The following RUNX1T1 variants were observed in gnomAD, a reference collection of about 807,000 sequenced individuals.
RUNX1T1 encodes protein CBFA2T1.
Under a neutral mutation model 62.8 loss-of-function variants are expected in RUNX1T1, and 4 were observed. The observed-to-expected ratio is 0.06, with a 90% CI of 0.03 to 0.15. The LOEUF (loss-of-function observed/expected upper bound fraction) is 0.15, where lower values mean the gene tolerates loss of function less well. Ranked by LOEUF, RUNX1T1 falls within the 10% of genes least tolerant of loss-of-function variation. The pLI is 1.00. For missense variants in RUNX1T1, 508 were observed against 754.3 expected (o/e 0.67, Z 3.82); for synonymous variants, 291 against 286.0 (o/e 1.02, Z -0.18).
intron 5 of RUNX1T1, among the ~76,000 whole-genome samples, chr8:92,001,760 G>C (rs1819802706): frequency 6.6e-6 from 1 of 152,166 alleles, no homozygotes; most frequent in Admixed American, 6.5e-5. Context: ...ACACAATACT[G>C]AAGGCAAATT....
intron 1 of RUNX1T1, among the ~76,000 whole-genome samples, chr8:92,028,312 T>A (rs1825643287): frequency 6.6e-6 from 1 of 151,842 alleles, no homozygotes; most frequent in Non-Finnish European, 1.5e-5. Context: ...AAAATAATAC[T>A]CATTTCATGA....
At chr8:92,017,064 T>G (rs1226081249) in intron 2 of RUNX1T1, among the ~76,000 whole-genome samples, 162 bp downstream of exon 3, 1 of 152,270 alleles carries the variant, frequency 6.6e-6, no homozygotes, top group East Asian at 1.9e-4. Context: ...ATGATACTTC[T>G]GTGCTCAGTA....
At chr8:91,976,060 G>T in intron 8 of RUNX1T1, 87 bp from the exon 10 acceptor site, 1 of 911,400 alleles carries the variant, frequency 1.1e-6, no homozygotes, top group South Asian at 1.4e-5. Context: ...AGTAAGCAAT[G>T]CCCATTCTCC....
chr8:91,985,183 A>C (rs577957724), intron 8 of RUNX1T1, among the ~76,000 whole-genome samples: 1 of 152,330 alleles, frequency 6.6e-6, no homozygotes, highest in East Asian at 1.9e-4. Context: ...GGGCCAACGC[A>C]TAAGATAATA....
chr8:92,015,521 A>G (rs1822813907), intron 2 of RUNX1T1, among the ~76,000 whole-genome samples: 2 of 152,228 alleles, frequency 1.3e-5, no homozygotes, highest in South Asian at 4.1e-4. Context: ...TTCATTTCTG[A>G]TAAAATTTGT....
exon 11 of RUNX1T1, chr8:91,959,438 G>C (rs868482529): frequency 8.3e-5 from 10 of 120,646 alleles, no homozygotes; most frequent in African/African-American, 5.1e-4. Flanking sequence ...GTGTGTGTGT[G>C]TGTGTGTGTG....
At position 92,017,198 on chromosome 8, in the gene RUNX1T1, A is replaced by T. The variant is rs757646820; in HGVS notation, c.145+28T>A. The T allele has an allele frequency of 2.8e-6, 4 of 1,454,022 alleles. No homozygotes were observed. The African/African-American group carries it at 5.7e-5, about 21-fold the overall frequency. The allele number at this position is 1,454,022 out of a possible 1,614,324, so 90.1% of individuals were successfully genotyped here. On this transcript the variant is annotated intron_variant, in intron 2 of 10. Transcript: ENST00000396218. ...AATTTAATTTAAACTTTAAAACTGAAACTCAAAAGCCTGAAATGACTACTT... is the reference window on the plus strand; with the variant it reads ...AATTTAATTTAAACTTTAAAACTGATACTCAAAAGCCTGAAATGACTACTT...
chr8:92,099,136 T>C (rs1056159699), intron 1 of RUNX1T1, among the ~76,000 whole-genome samples: 3 of 152,244 alleles, frequency 2.0e-5, no homozygotes, highest in Non-Finnish European at 2.9e-5. Context: ...AATTTGATTT[T>C]TAAAAGGCAA....
chr8:92,038,664 A>C (rs1483535046), intron 1 of RUNX1T1, among the ~76,000 whole-genome samples: 4 of 152,178 alleles, frequency 2.6e-5, no homozygotes, highest in Non-Finnish European at 5.9e-5. Flanking sequence ...TCTCAAAGAC[A>C]CTGACTCATC....
chr8:91,970,865 C>A lies in RUNX1T1; in HGVS notation c.1268-17G>T. ...CGGCCTCCTCTGTGTGCCAGTCAGG[C>A]CAAACCAGACAAGAAAACACCTCTC... On this transcript the variant is annotated splice_polypyrimidine_tract_variant and intron_variant, in intron 9 of 10. Transcript: ENST00000396218. The A allele has an allele frequency of 6.3e-7, 1 of 1,577,120 alleles. No individual in the cohort carries two copies. The highest frequency in any genetic ancestry group is 1.2e-5 in the South Asian group (1 of 86,094).
At chr8:92,018,891 T>C (rs1823532144) in intron 1 of RUNX1T1, among the ~76,000 whole-genome samples, 1 of 152,222 alleles carries the variant, frequency 6.6e-6, no homozygotes, top group South Asian at 2.1e-4. Context: ...AGGGTCTCCA[T>C]TTCTGAATCT....
At chr8:92,055,296 T>C (rs1290813545) in intron 1 of RUNX1T1, among the ~76,000 whole-genome samples, 1 of 151,616 alleles carries the variant, frequency 6.6e-6, no homozygotes, top group Non-Finnish European at 1.5e-5. Flanking sequence ...ATGTAGTAAG[T>C]AGTTAAACAA....
At chr8:92,039,806 C>A (rs1587234744) in intron 1 of RUNX1T1, among the ~76,000 whole-genome samples, 1 of 152,166 alleles carries the variant, frequency 6.6e-6, no homozygotes, top group Non-Finnish European at 1.5e-5. Flanking sequence ...ACCAACTGAT[C>A]ATTGGAGCCC....
intron 2 of RUNX1T1, among the ~76,000 whole-genome samples, chr8:92,016,291 T>C (rs1225837289): frequency 2.6e-5 from 4 of 152,138 alleles, no homozygotes; most frequent in African/African-American, 9.7e-5. Flanking sequence ...CTTTGGACTG[T>C]ACTGAAAGCA....
intron 8 of RUNX1T1, among the ~76,000 whole-genome samples, chr8:91,985,319 C>A (rs1190010191): frequency 6.6e-6 from 1 of 152,118 alleles, no homozygotes; most frequent in Non-Finnish European, 1.5e-5. Flanking sequence ...ACAGGCCACA[C>A]AAAAATTCTT....
At chr8:92,080,371 T>C (rs1344499979) in intron 1 of RUNX1T1, among the ~76,000 whole-genome samples, 1 of 152,206 alleles carries the variant, frequency 6.6e-6, no homozygotes, top group Non-Finnish European at 1.5e-5. Flanking sequence ...CCAGGTACTG[T>C]TCACAGAAGC....
upstream of RUNX1T1, among the ~76,000 whole-genome samples, chr8:92,066,112 C>T (rs1832835811): frequency 6.6e-6 from 1 of 152,154 alleles, no homozygotes; most frequent in Non-Finnish European, 1.5e-5. Flanking sequence ...TCCTAGTTGG[C>T]TTTAACAAAG....
intron 1 of RUNX1T1, among the ~76,000 whole-genome samples, chr8:92,029,333 G>C (rs1825818934): frequency 6.6e-6 from 1 of 152,154 alleles, no homozygotes; most frequent in Non-Finnish European, 1.5e-5. Flanking sequence ...AACAGGGCAG[G>C]AGTACTGGAT....
At chr8:92,100,429 C>A (rs1455689492), upstream of RUNX1T1, among the ~76,000 whole-genome samples, 1 of 151,992 alleles carries the variant, frequency 6.6e-6, no homozygotes, top group Non-Finnish European at 1.5e-5. Context: ...AATGACTGAA[C>A]AAAAATATTT....
Sources: gnomAD v4.1 joint callset for allele counts (sites outside exome capture counted in the v4.1 genomes callset) on GRCh38, gnomAD v4.1.1 for gene constraint, MANE v1.5 for transcripts, NCBI Gene and HGNC (gene_info 2026-07-23, HGNC 2026-07-21) for gene names.